Variants in APOBEC3F observed in about 807,000 individuals in gnomAD.
APOBEC3F encodes apolipoprotein B mRNA editing enzyme catalytic subunit 3F.
Under a neutral mutation model 45.8 loss-of-function variants are expected in APOBEC3F, and 34 were observed. The ratio of observed to expected loss-of-function variants is 0.74; its 90% confidence interval spans 0.57 to 0.99. The LOEUF (loss-of-function observed/expected upper bound fraction) is 0.99. Among genes scored for constraint, APOBEC3F ranks in the 50% least tolerant of loss-of-function variants. APOBEC3F has a pLI of 0.00. For missense variants in APOBEC3F, 459 were observed against 474.1 expected (o/e 0.97, Z 0.30); for synonymous variants, 192 against 174.4 (o/e 1.10, Z -0.80).
rs5757452 is a variant in APOBEC3F, at chr22:39,052,870, C to T, written c.*175C>T. 0.51 allele frequency: 711,327 copies of T among 1,381,860 alleles called. 188,300 individuals carry two copies. The highest frequency in any genetic ancestry group is 0.71 in the East Asian group (27,037 of 38,174). The allele number at this position is 1,381,860 out of a possible 1,614,324, so 85.6% of individuals were successfully genotyped here. A position where few individuals can be genotyped will look rare whatever the true frequency, so the allele number is the denominator to read the frequency against. The stretch of plus-strand genomic sequence containing the variant: ...ACCACCTCCTCTCCGCTCTCCCAGG[C>T]TCTTCCTGCAGAGGCCTCTTTCTGC... On this transcript the variant is annotated 3_prime_UTR_variant, in exon 7 of 7. Coordinates refer to ENST00000308521, the MANE Select transcript of APOBEC3F (RefSeq NM_145298.6).
In APOBEC3F at chr22:39,044,923, C is replaced by T. The variant is rs753800238; in HGVS notation, c.172-18C>T. On this transcript the variant is annotated intron_variant, in intron 2 of 6. Coordinates refer to ENST00000308521, the MANE Select transcript of APOBEC3F (RefSeq NM_145298.6). The stretch of plus-strand genomic sequence containing the variant: ...CTCCCCCTCTCAGAGCATCCCCTGC[C>T]CCCTGCTCCTCTCCCAGGTGTATTC... 15 of 1,610,050 alleles carry T rather than the reference C, an allele frequency of 9.3e-6. No homozygotes were observed. Among genetic ancestry groups the T allele is most frequent in the East Asian group, 6.7e-5 (3 of 44,854 alleles).
Position 39,054,476 on chromosome 22 carries a change from C to T in APOBEC3F, c.*1781C>T, listed in dbSNP as rs1172398362. On this transcript the variant is annotated 3_prime_UTR_variant, in exon 7 of 7. Transcript: ENST00000308521. ...TGAACTCCTGACCTCGTGATCCACC[C>T]GTCTCGGCCTCCCAAAGTGCTGGGA... 1.3e-5 allele frequency among the ~76,000 whole-genome samples: 2 copies of T among 151,764 alleles called. No homozygotes were observed. The highest frequency in any genetic ancestry group is 2.4e-5 in the African/African-American group (1 of 41,292).
chr22:39,049,070 A>G (rs1409102890), intron 4 of APOBEC3F, among the ~76,000 whole-genome samples: 1 of 152,154 alleles, frequency 6.6e-6, no homozygotes, highest in African/African-American at 2.4e-5. Flanking sequence ...AATCATCATC[A>G]TCGGACAGGT....
chr22:39,043,585 C>T (rs1345462192), intron 2 of APOBEC3F, among the ~76,000 whole-genome samples: 9 of 149,830 alleles, frequency 6.0e-5, no homozygotes, highest in Admixed American at 2.7e-4. Flanking sequence ...GTTGGGATTA[C>T]AGGTGTGAGC....
At chr22:39,051,971 C>T (rs575125500) in intron 5 of APOBEC3F, 103 bp from the exon 6 acceptor site, 36 of 1,497,610 alleles carry the variant, frequency 2.4e-5, no homozygotes, top group Admixed American at 4.0e-5. Context: ...AATAAGGAAA[C>T]GCCCTGGGGC....
intron 2 of APOBEC3F, chr22:39,044,081 A>G (rs1390756654): frequency 6.5e-7 from 1 of 1,541,602 alleles, no homozygotes; most frequent in Admixed American, 2.1e-5. Context: ...TGTATTTTTC[A>G]GGTGCCCAGG....
chr22:39,044,836 A>G (rs1927119674), intron 2 of APOBEC3F, 105 bp from the exon 3 acceptor site: 3 of 1,078,844 alleles, frequency 2.8e-6, no homozygotes, highest in Non-Finnish European at 4.0e-6. Flanking sequence ...CTTCAATGGC[A>G]AGATCCCCTG....
chr22:39,043,382 C>T (rs1240579532), intron 2 of APOBEC3F, among the ~76,000 whole-genome samples: 1 of 150,780 alleles, frequency 6.6e-6, no homozygotes, highest in Non-Finnish European at 1.5e-5. Flanking sequence ...CTCACAGCAA[C>T]CTCTGCCTCC....
chr22:39,051,536 CAAAA>C (rs35583360), intron 5 of APOBEC3F, among the ~76,000 whole-genome samples: 3 of 104,542 alleles, frequency 2.9e-5, no homozygotes, highest in Non-Finnish European at 3.8e-5. Flanking sequence ...GACTCAGTAT[CAAAA>C]AAAAAAAAAA....
chr22:39,052,548 C>G (rs749590604), intron 6 of APOBEC3F, 29 bp from the exon 7 acceptor site: 1 of 1,601,886 alleles, frequency 6.2e-7, no homozygotes, highest in Non-Finnish European at 8.5e-7. Context: ...CTGCTGGGCC[C>G]TCACTGCTTT....
chr22:39,053,073 G>T lies in APOBEC3F; in HGVS notation c.*378G>T. 1 of 161,196 alleles carries T rather than the reference G, an allele frequency of 6.2e-6. No homozygotes were observed. Among genetic ancestry groups the T allele is most frequent in the African/African-American group, 2.4e-5 (1 of 41,098 alleles). The allele number at this position is 161,196 out of a possible 1,614,324, so 10.0% of individuals were successfully genotyped here. ...TTGATCTTGGCTCACTGCAAACTCT[G>T]CCTACCAGGTTCAAGCGATTCTCCT... On this transcript the variant is annotated 3_prime_UTR_variant, in exon 7 of 7. Coordinates refer to ENST00000308521, the MANE Select transcript of APOBEC3F (RefSeq NM_145298.6).
chr22:39,046,345 C>A (rs907311610), intron 4 of APOBEC3F, among the ~76,000 whole-genome samples: 17 of 152,268 alleles, frequency 1.1e-4, no homozygotes, highest in Admixed American at 3.3e-4. Flanking sequence ...GGGGAAGATA[C>A]AATTTAGTCC....
chr22:39,043,061 C>T lies in APOBEC3F; in HGVS notation c.142C>T (p.Arg48Cys), dbSNP rs186177285. 2.2e-4 allele frequency: 360 copies of T among 1,614,152 alleles called. No homozygotes were observed. In the East Asian group the frequency reaches 6.9e-3, roughly 31 times the overall value. ...GAAAACAAAGGGTCCCTCAAGGCCCCGTTTGGACGCAAAGATCTTTCGAGG... is the reference window on the plus strand; with the variant it reads ...GAAAACAAAGGGTCCCTCAAGGCCCTGTTTGGACGCAAAGATCTTTCGAGG... ...EVKTKGPSRPRLDAKIFRGQV... is the reference protein window; with the variant it reads ...EVKTKGPSRPCLDAKIFRGQV... Residue 48 changes from arginine to cysteine, a missense_variant, in exon 2 of 7, where the codon CGT (arginine) becomes TGT (cysteine). Coordinates refer to ENST00000308521, the MANE Select transcript of APOBEC3F (RefSeq NM_145298.6).
intron 2 of APOBEC3F, among the ~76,000 whole-genome samples, chr22:39,043,911 G>A (rs1927061075): frequency 6.6e-6 from 1 of 152,036 alleles, no homozygotes; most frequent in African/African-American, 2.4e-5. Context: ...TGTAATCCCA[G>A]CTACTTGGGA....
rs142120855 is a variant in APOBEC3F, at chr22:39,052,305, C to T, written c.955C>T (p.Arg319Cys). The T allele has an allele frequency of 4.0e-4, 651 of 1,614,104 alleles. No individual in the cohort carries two copies. The highest frequency in any genetic ancestry group is 4.8e-4 in the Non-Finnish European group (571 of 1,179,966). The stretch of plus-strand genomic sequence containing the variant: ...GGATACAGATTACCAGGAGGGGCTC[C>T]GCAGCCTGAGTCAGGAAGGGGCCTC... ...FWDTDYQEGL[R>C]SLSQEGASVE... The change falls in exon 6 of 7, where the codon CGC (arginine) becomes TGC (cysteine). Residue 319 changes from arginine (R) to cysteine (C), a missense_variant. By Grantham distance (180) the Arg-to-Cys change is radical. Coordinates refer to ENST00000308521, the MANE Select transcript of APOBEC3F (RefSeq NM_145298.6).
chr22:39,054,082 G>C lies in APOBEC3F; in HGVS notation c.*1387G>C, dbSNP rs142315742. 9.0e-3 allele frequency among the ~76,000 whole-genome samples: 1,372 copies of C among 151,638 alleles called. 25 individuals are homozygous for C. Among genetic ancestry groups the C allele is most frequent in the African/African-American group, 0.031 (1,290 of 41,324 alleles). On this transcript the variant is annotated 3_prime_UTR_variant, in exon 7 of 7. Coordinates refer to ENST00000308521, the MANE Select transcript of APOBEC3F (RefSeq NM_145298.6). Reference sequence around the variant, plus strand: ...GGCTGGAGTGCAATGGTGCGGTCTCGGCTCACTGCAACCTCTGCCTCCCTT... The same window carrying C: ...GGCTGGAGTGCAATGGTGCGGTCTCCGCTCACTGCAACCTCTGCCTCCCTT...
At chr22:39,049,341 G>A in intron 4 of APOBEC3F, 84 bp from the exon 5 acceptor site, 2 of 1,479,780 alleles carry the variant, frequency 1.4e-6, no homozygotes, top group East Asian at 2.3e-5. Flanking sequence ...TCCCAGGGCT[G>A]TCCAGTGAGT....
rs967714389 is a variant in APOBEC3F at position 39,052,291 on chromosome 22, A to C, written c.941A>C (p.Tyr314Ser). 15 of 1,614,078 alleles carry C rather than the reference A, an allele frequency of 9.3e-6. No homozygotes were observed. The highest frequency in any genetic ancestry group is 1.3e-5 in the Non-Finnish European group (15 of 1,180,044). The change falls in exon 6 of 7, where the codon TAC (tyrosine) becomes TCC (serine). Residue 314 changes from tyrosine to serine, a missense_variant. Coordinates refer to ENST00000308521, the MANE Select transcript of APOBEC3F (RefSeq NM_145298.6). Reference sequence around the variant, plus strand: ...CTCTACTACTTCTGGGATACAGATTACCAGGAGGGGCTCCGCAGCCTGAGT... The same window carrying C: ...CTCTACTACTTCTGGGATACAGATTCCCAGGAGGGGCTCCGCAGCCTGAGT... ...ARLYYFWDTDYQEGLRSLSQE... is the reference protein window; with the variant it reads ...ARLYYFWDTDSQEGLRSLSQE...
At position 39,054,137 on chromosome 22, in the gene APOBEC3F, C is replaced by T. The variant is rs1314609733; in HGVS notation, c.*1442C>T. ...AAGTGATTCTCCTGTCTCAGCCTCC[C>T]GAGTAGCTGGGATTACAGGCGTCCA... On this transcript the variant is annotated 3_prime_UTR_variant, in exon 7 of 7. Coordinates refer to ENST00000308521, the MANE Select transcript of APOBEC3F (RefSeq NM_145298.6). Among the ~76,000 whole-genome samples, 5 of 152,066 alleles carry T rather than the reference C, an allele frequency of 3.3e-5. No homozygotes were observed. The highest frequency in any genetic ancestry group is 2.1e-4 in the South Asian group (1 of 4,824).
Sources: gnomAD v4.1 joint callset for allele counts (sites outside exome capture counted in the v4.1 genomes callset) on GRCh38, gnomAD v4.1.1 for gene constraint, MANE v1.5 for transcripts, NCBI Gene and HGNC (gene_info 2026-07-23, HGNC 2026-07-21) for gene names.